Variants in RALGPS2 observed in about 807,000 individuals in gnomAD.
RALGPS2 encodes Ral GEF with PH domain and SH3 binding motif 2.
A neutral mutation model predicts 86.8 loss-of-function variants in RALGPS2; 43 were observed. The observed-to-expected ratio is 0.50, with a 90% CI of 0.39 to 0.64. RALGPS2 has a LOEUF of 0.64. Among genes scored for constraint, RALGPS2 ranks in the 30% least tolerant of loss-of-function variants. The pLI is 0.00. For synonymous variants in RALGPS2, 243 were observed against 231.3 expected (o/e 1.05, Z -0.46); for missense variants, 536 against 694.6 (o/e 0.77, Z 2.57).
At chr1:178,818,811 A>C (rs535796165) in intron 6 of RALGPS2, among the ~76,000 whole-genome samples, 1 of 152,060 alleles carries the variant, frequency 6.6e-6, no homozygotes, top group African/African-American at 2.4e-5. Flanking sequence ...TTTACTTTGG[A>C]ATTTAGTTAT....
chr1:178,834,039 A>C (rs7537529), intron 8 of RALGPS2, among the ~76,000 whole-genome samples: 7,962 of 152,218 alleles, frequency 0.052, 726 homozygotes, highest in African/African-American at 0.18. Flanking sequence ...CATCTCATCT[A>C]ATTAAGAATT....
chr1:178,840,761 A>G (rs1284568699), intron 8 of RALGPS2, among the ~76,000 whole-genome samples: 5 of 152,100 alleles, frequency 3.3e-5, no homozygotes, highest in Non-Finnish European at 7.4e-5. Flanking sequence ...AAGACTATAT[A>G]TATAATAAAG....
At chr1:178,903,355 AT>A (rs555202598) in intron 18 of RALGPS2, among the ~76,000 whole-genome samples, 20 of 151,878 alleles carry the variant, frequency 1.3e-4, no homozygotes, top group Admixed American at 2.6e-4. Flanking sequence ...CCTACTCAAC[AT>A]TTTTTTTCCC....
At chr1:178,744,675 G>A (rs931947070) in intron 1 of RALGPS2, among the ~76,000 whole-genome samples, 5 of 152,034 alleles carry the variant, frequency 3.3e-5, no homozygotes, top group African/African-American at 9.6e-5. Flanking sequence ...AAATTAGCGC[G>A]GCATGGTGGC....
intron 4 of RALGPS2, among the ~76,000 whole-genome samples, chr1:178,795,802 G>GT (rs1477964611): frequency 1.9e-4 from 29 of 152,248 alleles, no homozygotes; most frequent in African/African-American, 6.5e-4. Flanking sequence ...ACCTTCTAGT[G>GT]TATGTCAAGA....
At chr1:178,897,231 A>T (rs1224469704) in intron 16 of RALGPS2, among the ~76,000 whole-genome samples, 1 of 151,692 alleles carries the variant, frequency 6.6e-6, no homozygotes, top group Non-Finnish European at 1.5e-5. Context: ...TCAAAACCAC[A>T]ATGAGATACC....
In RALGPS2 at chr1:178,811,366, A is replaced by G; in HGVS notation, c.349A>G (p.Arg117Gly). 1.3e-6 allele frequency: 2 copies of G among 1,549,426 alleles called. No homozygotes were observed. The highest frequency in any genetic ancestry group is 8.6e-7 in the Non-Finnish European group (1 of 1,158,292). ...TCTTCATGCTCAAACATTAAAAATT[A>G]GAGCAGAAGTTTTGAGCCACTATAT... ...EILHAQTLKI[R>G]AEVLSHYIKT... The change falls in exon 6 of 20, where the codon AGA (arginine) becomes GGA (glycine). Residue 117 changes from arginine (R) to glycine (G), a missense_variant. Around this residue, in one of 3 missense-constraint regions of RALGPS2, gnomAD observed 184 missense variants for 296.7 expected, o/e 0.62. Transcript: ENST00000367635.
At chr1:178,746,746 C>G in intron 1 of RALGPS2, 1 of 795,364 alleles carries the variant, frequency 1.3e-6, no homozygotes, top group South Asian at 1.3e-5. Flanking sequence ...TCTATTTCAT[C>G]TGCTGCACCT....
chr1:178,893,067 C>CT (rs1037740824), intron 15 of RALGPS2, among the ~76,000 whole-genome samples: 3 of 152,072 alleles, frequency 2.0e-5, no homozygotes, highest in African/African-American at 7.2e-5. Flanking sequence ...AAGGAATAAA[C>CT]TGGCAAACTT....
chr1:178,884,622 A>G (rs762675050), intron 11 of RALGPS2, among the ~76,000 whole-genome samples: 42 of 152,186 alleles, frequency 2.8e-4, no homozygotes, highest in Non-Finnish European at 4.6e-4. Flanking sequence ...ATTTATTCCC[A>G]TAAGCCTGAA....
intron 10 of RALGPS2, among the ~76,000 whole-genome samples, chr1:178,881,717 C>T (rs1180789583): frequency 5.3e-5 from 8 of 152,132 alleles, no homozygotes; most frequent in African/African-American, 1.7e-4. Flanking sequence ...TCCCAAAGTG[C>T]TAGGATTACA....
chr1:178,725,844 C>G (rs1299594211), intron 1 of RALGPS2: 1 of 152,338 alleles, frequency 6.6e-6, no homozygotes, highest in African/African-American at 2.4e-5. Flanking sequence ...GGAGCCAGGA[C>G]CAGCAGAAGC....
rs1284760356 is a variant in RALGPS2 at position 178,906,935 on chromosome 1, A to G, written c.1722+68A>G. ...AACATATGTAAAAGAGTTCCAAGAG[A>G]AGTAAACAGACTAGTTCTGAATTAA... On this transcript the variant is annotated intron_variant, in intron 19 of 19. Transcript: ENST00000367635. The G allele has an allele frequency of 2.2e-6, 3 of 1,376,238 alleles. No individual in the cohort carries two copies. In the African/African-American group the frequency reaches 4.3e-5, roughly 20 times the overall value. The allele number at this position is 1,376,238 out of a possible 1,614,324, so 85.3% of individuals were successfully genotyped here.
rs138528833 is a variant in RALGPS2 at position 178,833,494 on chromosome 1, A to G, written c.551A>G (p.Lys184Arg). The change falls in exon 8 of 20, where the codon AAA becomes AGA. Residue 184 changes from lysine (K) to arginine (R), a missense_variant. This residue lies in a region of RALGPS2 where 184 missense variants were observed against 296.7 expected (regional missense o/e 0.62). Coordinates refer to ENST00000367635, the MANE Select transcript of RALGPS2 (RefSeq NM_152663.5). ...EYVMSKEDNY[K>R]RLRDYISSLK... Reference sequence around the variant, plus strand: ...GTAATGAGTAAAGAAGATAACTACAAAAGACTCAGAGACTATATAAGTAGC... The same window carrying G: ...GTAATGAGTAAAGAAGATAACTACAGAAGACTCAGAGACTATATAAGTAGC... 1.7e-5 allele frequency: 26 copies of G among 1,533,658 alleles called. No homozygotes were observed. In the African/African-American group the frequency reaches 2.6e-4, roughly 15 times the overall value.
intron 4 of RALGPS2, among the ~76,000 whole-genome samples, chr1:178,791,165 G>T (rs1653932451): frequency 6.6e-6 from 1 of 152,104 alleles, no homozygotes; most frequent in Non-Finnish European, 1.5e-5. Flanking sequence ...GTATTGCCCA[G>T]GCTGGATTGC....
chr1:178,900,865 A>T (rs1463738052), intron 17 of RALGPS2, among the ~76,000 whole-genome samples: 3 of 152,038 alleles, frequency 2.0e-5, no homozygotes, highest in Non-Finnish European at 2.9e-5. Flanking sequence ...CTCTAGTTTC[A>T]TCCCTGTTTC....
intron 16 of RALGPS2, 126 bp from the exon 17 acceptor site, chr1:178,897,538 C>G (rs562338149): frequency 7.1e-6 from 5 of 702,452 alleles, no homozygotes; most frequent in African/African-American, 7.1e-5. Context: ...AGAAGTGATA[C>G]AGCTCAACTC....
At chr1:178,815,253 G>T (rs1033425107) in intron 6 of RALGPS2, among the ~76,000 whole-genome samples, 2 of 151,508 alleles carry the variant, frequency 1.3e-5, no homozygotes, top group Non-Finnish European at 2.9e-5. Flanking sequence ...GTTAATTTTT[G>T]TATTTTTTTT....
rs561083648 is a variant in RALGPS2 at position 178,766,758 on chromosome 1, G to T, written c.-83-9924G>T. Among the ~76,000 whole-genome samples, 4 of 152,260 alleles carry T rather than the reference G, an allele frequency of 2.6e-5. No individual in the cohort carries two copies. In the East Asian group the frequency reaches 7.7e-4, roughly 29 times the overall value. ...TCTTCTTGTGTAGTATTTTTCAGGG[G>T]TTCTCTGCATTTCCTGAATTTGAAT... On this transcript the variant is annotated intron_variant, in intron 1 of 19. Transcript: ENST00000367635.
Sources: gnomAD v4.1 joint callset for allele counts (sites outside exome capture counted in the v4.1 genomes callset) on GRCh38, gnomAD v4.1.1 for gene constraint, gnomAD v4.1.1 regional missense constraint, MANE v1.5 for transcripts, NCBI Gene and HGNC (gene_info 2026-07-23, HGNC 2026-07-21) for gene names.